ERMP1: variants seen among roughly 807,000 people sequenced by gnomAD.
The protein encoded by ERMP1 is endoplasmic reticulum metallopeptidase 1.
A neutral mutation model predicts 92.0 loss-of-function variants in ERMP1; 86 were observed. That is an observed-to-expected ratio of 0.93 (90% CI 0.79 to 1.12). The LOEUF is 1.12. ERMP1 is among the 50% of genes most tolerant of loss of function. The pLI is 0.00. For synonymous variants in ERMP1, 530 were observed against 412.8 expected (o/e 1.28, Z -3.44); for missense variants, 1,342 against 1,116.3 (o/e 1.20, Z -2.88).
At chr9:5,859,141 G>A (rs970134375) in intron 6 of ERMP1, among the ~76,000 whole-genome samples, 3 of 152,168 alleles carry the variant, frequency 2.0e-5, no homozygotes, top group Non-Finnish European at 2.9e-5. Context: ...CTCTCTCTGT[G>A]TTCCTTTTCC....
At chr9:5,798,096 A>G (rs1413921218) in intron 12 of ERMP1, among the ~76,000 whole-genome samples, 164 bp from the exon 13 acceptor site, 1 of 152,228 alleles carries the variant, frequency 6.6e-6, no homozygotes, top group African/African-American at 2.4e-5. Flanking sequence ...ATTTTGTAAT[A>G]AAACCTTCCC....
intron 6 of ERMP1, among the ~76,000 whole-genome samples, chr9:5,859,344 A>G (rs150958586): frequency 5.3e-5 from 8 of 152,284 alleles, no homozygotes; most frequent in East Asian, 1.9e-4. Context: ...CCCAACCCTC[A>G]TAACATTTAA....
At chr9:5,801,096 C>T (rs982270100) in intron 11 of ERMP1, 80 bp downstream of exon 11, 17 of 1,440,200 alleles carry the variant, frequency 1.2e-5, no homozygotes, top group East Asian at 4.7e-5. Flanking sequence ...AAGTCAGCTG[C>T]GCTTGCTATT....
intron 10 of ERMP1, 135 bp downstream of exon 10, chr9:5,804,892 C>T (rs1197604195): frequency 6.0e-6 from 4 of 661,778 alleles, no homozygotes; most frequent in African/African-American, 5.6e-5. Context: ...AGATGCATGG[C>T]CATTCATTCA....
At chr9:5,843,909 G>T (rs569116069) in intron 6 of ERMP1, among the ~76,000 whole-genome samples, 10 of 152,128 alleles carry the variant, frequency 6.6e-5, no homozygotes, top group Non-Finnish European at 8.8e-5. Context: ...GTGTGTCCTG[G>T]GGGGAGGAAG....
intron 4 of ERMP1, among the ~76,000 whole-genome samples, chr9:5,818,837 T>C (rs1829420143): frequency 1.3e-5 from 2 of 152,208 alleles, no homozygotes; most frequent in Non-Finnish European, 1.5e-5. Context: ...AAAAAAGTAA[T>C]ACATGTTGCC....
rs1262822160 is a variant in ERMP1 at position 5,805,707 on chromosome 9, T to G, written c.1627A>C (p.Thr543Pro). The G allele has an allele frequency of 6.2e-7, 1 of 1,613,310 alleles. No homozygotes were observed. The highest frequency in any genetic ancestry group is 8.5e-7 in the Non-Finnish European group (1 of 1,179,792). ...FVHCCFLVTL[T>P]YQGLCSAFIS... is the part of the protein sequence containing the mutation. ...AACGCCGAGCAAAGTCCTTGGTAAG[T>G]GAGGGTAACAAGAAAACAGCAATGG... Residue 543 changes from threonine to proline, a missense_variant, in exon 9 of 15, where the codon ACT (threonine) becomes CCT (proline). Physicochemically the swap from Thr to Pro is conservative, Grantham distance 38. Transcript: ENST00000339450.
In ERMP1 at chr9:5,784,653, A is replaced by C. The variant is rs1827862110; in HGVS notation, c.*2491T>G. On this transcript the variant is annotated 3_prime_UTR_variant, in exon 15 of 15. Coordinates refer to ENST00000339450, the MANE Select transcript of ERMP1 (RefSeq NM_024896.3). ...TCAGCAAACCAGTGACAAGAAATTG[A>C]CAAACACTCCTTCTACAGCTTCCTG... The C allele has an allele frequency of 6.5e-6, 1 of 152,684 alleles. No homozygotes were observed. Among genetic ancestry groups the C allele is most frequent in the African/African-American group, 2.4e-5 (1 of 41,474 alleles). The allele number at this position is 152,684 out of a possible 1,614,324, so 9.5% of individuals were successfully genotyped here.
chr9:5,832,850 C>T lies in ERMP1; in HGVS notation c.178G>A (p.Ala60Thr), dbSNP rs774424647. The T allele has an allele frequency of 5.3e-6, 8 of 1,505,754 alleles. No individual in the cohort carries two copies. In the South Asian group the frequency reaches 8.7e-5, roughly 16 times the overall value. 93.3% of individuals were successfully genotyped at this position (1,505,754 alleles called of 1,614,324 possible). Residue 60 changes from alanine to threonine, a missense_variant, in exon 1 of 15, where the codon GCG (alanine) becomes ACG (threonine). Ala to Thr is a moderately conservative substitution (Grantham distance 58). Transcript: ENST00000339450. ...AGCCCGGTCCCCGCGCCCCTGCTCGCGCCGCCGCTACCCCCGGGGCTCCTC... is the reference window on the plus strand; with the variant it reads ...AGCCCGGTCCCCGCGCCCCTGCTCGTGCCGCCGCTACCCCCGGGGCTCCTC... ...RKRSPGGSGGASRGAGTGLSE... is the reference protein window; with the variant it reads ...RKRSPGGSGGTSRGAGTGLSE...
rs746058054 is a variant in ERMP1 at position 5,787,099 on chromosome 9, A to T, written c.*45T>A. The T allele has an allele frequency of 1.3e-6, 2 of 1,549,594 alleles. No homozygotes were observed. The highest frequency in any genetic ancestry group is 2.7e-5 in the African/African-American group (2 of 73,146). On this transcript the variant is annotated 3_prime_UTR_variant, in exon 15 of 15. Coordinates refer to ENST00000339450, the MANE Select transcript of ERMP1 (RefSeq NM_024896.3). Reference sequence around the variant, plus strand: ...ACGTAACATAGGGAGAAACCATGTCACATGGAGTATCCACTGGGCATGTAC... The same window carrying T: ...ACGTAACATAGGGAGAAACCATGTCTCATGGAGTATCCACTGGGCATGTAC...
chr9:5,846,786 T>C (rs759804656), intron 6 of ERMP1, among the ~76,000 whole-genome samples: 19 of 152,226 alleles, frequency 1.2e-4, no homozygotes, highest in Non-Finnish European at 2.4e-4. Context: ...TCTGAAAGGA[T>C]GGAGGACTTG....
intron 4 of ERMP1, among the ~76,000 whole-genome samples, chr9:5,817,324 G>C (rs546282134): frequency 1.3e-5 from 2 of 152,198 alleles, no homozygotes; most frequent in South Asian, 2.1e-4. Context: ...CAAGTAGCTG[G>C]GATTACAAGC....
At chr9:5,799,488 CG>C (rs1340089835) in intron 11 of ERMP1, among the ~76,000 whole-genome samples, 3 of 151,994 alleles carry the variant, frequency 2.0e-5, no homozygotes, top group African/African-American at 7.3e-5. Context: ...ACTTTATTCA[CG>C]GCAGAAACCA....
Position 5,799,024 on chromosome 9 carries a change from T to C in ERMP1, c.2068-16A>G, listed in dbSNP as rs377764537. The C allele has an allele frequency of 1.9e-6, 3 of 1,603,864 alleles. No individual in the cohort carries two copies. Among genetic ancestry groups the C allele is most frequent in the Non-Finnish European group, 2.6e-6 (3 of 1,171,652 alleles). On this transcript the variant is annotated splice_polypyrimidine_tract_variant and intron_variant, in intron 11 of 14. Transcript: ENST00000339450. ...TAGTCATATGCTGAAAAAAAAAGAC[T>C]AGTGAAAAAACTGTTTCAACTAGTA...
intron 10 of ERMP1, among the ~76,000 whole-genome samples, chr9:5,802,030 G>A (rs1828692865): frequency 6.6e-6 from 1 of 152,168 alleles, no homozygotes; most frequent in Non-Finnish European, 1.5e-5. Flanking sequence ...TATGTCCACA[G>A]ATCCCTTACA....
chr9:5,831,407 A>G (rs968185223), intron 1 of ERMP1, among the ~76,000 whole-genome samples: 3 of 152,096 alleles, frequency 2.0e-5, no homozygotes, highest in Non-Finnish European at 4.4e-5. Context: ...GGAGTTTGAG[A>G]CCAGCCTGGG....
At chr9:5,860,939 C>T (rs1303139883) in intron 5 of ERMP1, among the ~76,000 whole-genome samples, 1 of 152,140 alleles carries the variant, frequency 6.6e-6, no homozygotes, top group African/African-American at 2.4e-5. Context: ...CTCCTTCTGT[C>T]ATGTGATAAT....
Position 5,805,669 on chromosome 9 carries a change from GAC to G in ERMP1, c.1663_1664del (p.Val555LeufsTer14). ...TTGTGAGCAATGGGAATGCTACCCAGACAGCACTAATAAACGCCGAGCAAAGT... is the reference window on the plus strand; with the variant it reads ...TTGTGAGCAATGGGAATGCTACCCAGAGCACTAATAAACGCCGAGCAAAGT... ...QGLCSAFISA[V>X]WVAFPLLTKL... On this transcript the variant is annotated frameshift_variant, in exon 9 of 15. Coordinates refer to ENST00000339450, the MANE Select transcript of ERMP1 (RefSeq NM_024896.3). LOFTEE classifies it high-confidence loss of function. The G allele has an allele frequency of 6.2e-7, 1 of 1,613,108 alleles. No individual in the cohort carries two copies. Among genetic ancestry groups the G allele is most frequent in the Non-Finnish European group, 8.5e-7 (1 of 1,179,630 alleles).
At chr9:5,799,251 AACTT>A (rs1453656888) in intron 11 of ERMP1, among the ~76,000 whole-genome samples, 1 of 152,194 alleles carries the variant, frequency 6.6e-6, no homozygotes, top group African/African-American at 2.4e-5. Flanking sequence ...ATGTTTTTGA[AACTT>A]ACTATTTCAG....
Sources: allele counts gnomAD v4.1 joint callset (sites outside exome capture counted in the v4.1 genomes callset), GRCh38; gene constraint gnomAD v4.1.1; transcripts MANE v1.5; gene names NCBI Gene and HGNC (gene_info 2026-07-23, HGNC 2026-07-21).